FGFR3: variants seen among roughly 807,000 people sequenced by gnomAD.
The protein encoded by FGFR3 is fibroblast growth factor receptor 3.
A neutral mutation model predicts 82.9 loss-of-function variants in FGFR3; 25 were observed. That is an observed-to-expected ratio of 0.30 (90% confidence interval 0.22 to 0.42). The LOEUF (loss-of-function observed/expected upper bound fraction) is 0.42, where lower values mean the gene tolerates loss of function less well. Ranked by LOEUF, FGFR3 falls within the 10% of genes least tolerant of loss-of-function variation. The pLI, the probability that FGFR3 is intolerant of heterozygous loss-of-function variation, is 1.00. For synonymous variants in FGFR3, 620 were observed against 516.0 expected (o/e 1.20, Z -2.73); for missense variants, 1,026 against 1,161.0 (o/e 0.88, Z 1.69).
rs373634099 is a variant in FGFR3, at chr4:1,803,673, C to T, written c.931-19C>T. 1 of 1,612,610 alleles carries T rather than the reference C, an allele frequency of 6.2e-7. No individual in the cohort carries two copies. The highest frequency in any genetic ancestry group is 1.3e-5 in the African/African-American group (1 of 75,054). The stretch of plus-strand genomic sequence containing the variant: ...GGGCGGTGCTGGCGCTCGCCTATCG[C>T]TCTGCTCTCTCTTTGTAGACGGCGG... On this transcript the variant is annotated intron_variant, in intron 7 of 17. Coordinates refer to ENST00000440486, the MANE Select transcript of FGFR3 (RefSeq NM_000142.5).
At chr4:1,806,757 T>C (rs1721974881) in intron 16 of FGFR3, 72 bp from the exon 17 acceptor site, 1 of 1,593,878 alleles carries the variant, frequency 6.3e-7, no homozygotes, top group Non-Finnish European at 8.5e-7. Flanking sequence ...GGGGAGGGAC[T>C]GGCAGCCCTT....
At position 1,805,570 on chromosome 4, in the gene FGFR3, G is replaced by T. The variant is rs779377617; in HGVS notation, c.1546G>T (p.Asp516Tyr). Residue 516 changes from aspartate to tyrosine, a missense_variant, in exon 12 of 18, where the codon GAC becomes TAC. Around this residue, in one of 9 missense-constraint regions of FGFR3, gnomAD observed 164 missense variants for 167.5 expected, o/e 0.98. Transcript: ENST00000440486. ...AVKMLKDDAT[D>Y]KDLSDLVSEM... is the part of the protein sequence containing the mutation. ...CGCTCCGTGCACAGACGATGCCACTGACAAGGACCTGTCGGACCTGGTGTC... is the reference window on the plus strand; with the variant it reads ...CGCTCCGTGCACAGACGATGCCACTTACAAGGACCTGTCGGACCTGGTGTC... The T allele has an allele frequency of 5.0e-6, 8 of 1,613,072 alleles. No individual in the cohort carries two copies.
intron 2 of FGFR3, among the ~76,000 whole-genome samples, chr4:1,795,672 G>C (rs1309191861): frequency 3.3e-5 from 5 of 152,202 alleles, no homozygotes; most frequent in Non-Finnish European, 7.4e-5. Context: ...GGCCACCCCA[G>C]GCCCTGCCAG....
rs769280728 is a variant in FGFR3 at position 1,801,607 on chromosome 4, C to T, written c.616-13C>T. On this transcript the variant is annotated splice_polypyrimidine_tract_variant and intron_variant, in intron 5 of 17. Transcript: ENST00000440486. ...CTGCCTCCGCTCACTCACCCGCCCG[C>T]GTCCCGGTGCAGCTGCGGCATCAGC... 47 of 1,603,976 alleles carry T rather than the reference C, an allele frequency of 2.9e-5. No homozygotes were observed. Among genetic ancestry groups the T allele is most frequent in the African/African-American group, 5.3e-5 (4 of 74,812 alleles).
At chr4:1,802,989 TACC>T (rs1411068040) in intron 7 of FGFR3, 1 of 1,598,452 alleles carries the variant, frequency 6.3e-7, no homozygotes, top group African/African-American at 1.4e-5. Flanking sequence ...CGGGGGCGAG[TACC>T]TCTGTCGAGC....
rs376223299 is a variant in FGFR3 at position 1,799,261 on chromosome 4, G to C, written c.117G>C (p.Pro39=). The change falls in exon 3 of 18, where the codon CCG becomes CCC. Residue 39 remains proline, a synonymous_variant. Transcript: ENST00000440486. The part of the protein sequence containing the change: ...QRVVGRAAEV[P]GPEPGQQEQL... ...TGCCCATCTTCCCCACAGAAGTCCC[G>C]GGCCCAGAGCCCGGCCAGCAGGAGC... is the stretch of plus-strand genomic sequence containing the variant. The C allele has an allele frequency of 6.2e-7, 1 of 1,612,532 alleles. No individual in the cohort carries two copies. Among genetic ancestry groups the C allele is most frequent in the Non-Finnish European group, 8.5e-7 (1 of 1,179,954 alleles).
rs868728643 is a variant in FGFR3, at chr4:1,803,229, C to A, written c.931-463C>A. 4 of 842,032 alleles carry A rather than the reference C, an allele frequency of 4.8e-6. No individual in the cohort carries two copies. The Admixed American group carries it at 1.6e-4, about 34-fold the overall frequency. 52.2% of individuals were successfully genotyped at this position (842,032 alleles called of 1,614,324 possible). A position where few individuals can be genotyped will look rare whatever the true frequency, so the allele number is the denominator to read the frequency against. ...TGGCAGCTCCAGCCTCCACGGTGAC[C>A]GCCCGCTTCGAGCCCTGTGGCCTGC... On this transcript the variant is annotated intron_variant, in intron 7 of 17. Coordinates refer to ENST00000440486, the MANE Select transcript of FGFR3 (RefSeq NM_000142.5).
At chr4:1,802,233 C>T (rs1288048414) in intron 7 of FGFR3, among the ~76,000 whole-genome samples, 1 of 152,166 alleles carries the variant, frequency 6.6e-6, no homozygotes, top group East Asian at 1.9e-4. Flanking sequence ...TCCGTGTCTG[C>T]AGAGGGCCAG....
rs970157484 is a variant in FGFR3 at position 1,807,590 on chromosome 4, G to A, written c.*328G>A. 6 of 680,944 alleles carry A rather than the reference G, an allele frequency of 8.8e-6. No homozygotes were observed. Among genetic ancestry groups the A allele is most frequent in the Admixed American group, 5.3e-5 (3 of 56,204 alleles). 42.2% of individuals were successfully genotyped at this position (680,944 alleles called of 1,614,324 possible). On this transcript the variant is annotated 3_prime_UTR_variant, in exon 18 of 18. Transcript: ENST00000440486. ...AGTGGGCCCACCCGGTGGGACCCCC[G>A]TGGGGCAGGGAGCTGGGCCCGACAT...
Position 1,806,240 on chromosome 4 carries a change from T to C in FGFR3, c.1960-17T>C, listed in dbSNP as rs1197282050. 1 of 1,612,934 alleles carries C rather than the reference T, an allele frequency of 6.2e-7. No individual in the cohort carries two copies. Among genetic ancestry groups the C allele is most frequent in the Non-Finnish European group, 8.5e-7 (1 of 1,179,930 alleles). ...TAGGACGCCTGGCGCCAACACCGCC[T>C]TCCCACACCCTCCCAGGGCCGGCTG... On this transcript the variant is annotated splice_polypyrimidine_tract_variant and intron_variant, in intron 14 of 17. Coordinates refer to ENST00000440486, the MANE Select transcript of FGFR3 (RefSeq NM_000142.5).
intron 7 of FGFR3, chr4:1,803,126 G>A (rs1313729377): frequency 1.9e-5 from 28 of 1,438,004 alleles, no homozygotes; most frequent in African/African-American, 1.3e-4. Flanking sequence ...CTGGCCGCGC[G>A]CCCTGCACGC....
intron 2 of FGFR3, among the ~76,000 whole-genome samples, chr4:1,795,973 C>T (rs908285438): frequency 6.6e-6 from 1 of 152,190 alleles, no homozygotes; most frequent in African/African-American, 2.4e-5. Context: ...CCCCCCAGCT[C>T]CCCAGCCCTC....
intron 7 of FGFR3, 53 bp from the exon 8 acceptor site, chr4:1,803,639 G>T: frequency 6.3e-7 from 1 of 1,596,866 alleles, no homozygotes. Flanking sequence ...ACTCTGTGCG[G>T]TGCCCGCAGG....
At chr4:1,806,200 TG>T (rs747252309) in intron 14 of FGFR3, 27 bp downstream of exon 14, 23 of 1,611,996 alleles carry the variant, frequency 1.4e-5, no homozygotes, top group Non-Finnish European at 2.0e-5. Flanking sequence ...GGTGCGGGGG[TG>T]GGGGTCATGC....
chr4:1,799,717 G>GA, intron 3 of FGFR3, 30 bp from the exon 4 acceptor site: 1 of 1,611,992 alleles, frequency 6.2e-7, no homozygotes, highest in Non-Finnish European at 8.5e-7. Context: ...GGCAGGTTGG[G>GA]CATTGGTTGC....
intron 7 of FGFR3, chr4:1,802,930 G>A: frequency 6.2e-7 from 1 of 1,602,158 alleles, no homozygotes; most frequent in South Asian, 1.1e-5. Flanking sequence ...ATCAGTGAGA[G>A]TGTGGAGGCC....
rs3135832 is a variant in FGFR3 at position 1,794,333 on chromosome 4, G to C, written c.109+290G>C. Among the ~76,000 whole-genome samples the C allele has an allele frequency of 1.0e-3, 156 of 152,380 alleles. 1 individual carries two copies. The East Asian group carries it at 0.015, about 15-fold the overall frequency. ...TGCGACTCCCTAGCCCTGGCCTGTCGGGAGGGCGCGGGGGGCCCCATTTCC... is the reference window on the plus strand; with the variant it reads ...TGCGACTCCCTAGCCCTGGCCTGTCCGGAGGGCGCGGGGGGCCCCATTTCC... On this transcript the variant is annotated intron_variant, in intron 2 of 17. Coordinates refer to ENST00000440486, the MANE Select transcript of FGFR3 (RefSeq NM_000142.5).
At chr4:1,800,861 C>T (rs1232123389) in intron 4 of FGFR3, among the ~76,000 whole-genome samples, 2 of 152,208 alleles carry the variant, frequency 1.3e-5, no homozygotes, top group Admixed American at 6.5e-5. Flanking sequence ...AGGGTGCCAC[C>T]GTCTCTGGGT....
At chr4:1,797,445 G>A (rs1201353807) in intron 2 of FGFR3, among the ~76,000 whole-genome samples, 1 of 152,220 alleles carries the variant, frequency 6.6e-6, no homozygotes, top group African/African-American at 2.4e-5. Flanking sequence ...GATGGCCACT[G>A]GTGTGGCTGG....
Sources: allele counts gnomAD v4.1 joint callset (sites outside exome capture counted in the v4.1 genomes callset), GRCh38; gene constraint gnomAD v4.1.1; regional missense constraint gnomAD v4.1.1; transcripts MANE v1.5; gene names NCBI Gene and HGNC (gene_info 2026-07-23, HGNC 2026-07-21).